The following CCSER1 variants were observed in gnomAD, a reference collection of about 807,000 sequenced individuals.
CCSER1 encodes the protein serine-rich coiled-coil domain-containing protein 1.
Under a neutral mutation model 82.0 loss-of-function variants are expected in CCSER1, and 41 were observed. The observed-to-expected ratio is 0.50, with a 90% CI of 0.39 to 0.65. The LOEUF is 0.65. Among genes scored for constraint, CCSER1 ranks in the 30% least tolerant of loss-of-function variants. CCSER1 has a pLI of 0.00. For missense variants in CCSER1, 1,119 were observed against 1,064.2 expected, an observed-to-expected ratio of 1.05 and a Z score of -0.72; for synonymous variants, 414 against 383.9, an observed-to-expected ratio of 1.08 and a Z score of -0.92.
At chr4:91,195,606 C>CT (rs1735342988) in intron 10 of CCSER1, among the ~76,000 whole-genome samples, 2 of 152,170 alleles carry the variant, frequency 1.3e-5, no homozygotes, top group South Asian at 4.1e-4. Flanking sequence ...CTTCTTGAAA[C>CT]TGCTTTTATT....
chr4:90,443,645 G>C (rs1560525923), intron 4 of CCSER1, among the ~76,000 whole-genome samples: 1 of 151,924 alleles, frequency 6.6e-6, no homozygotes, highest in East Asian at 1.9e-4. Flanking sequence ...GTTTGCTAAA[G>C]GATAAAATAT....
chr4:90,978,211 A>G (rs1735785172), intron 9 of CCSER1, among the ~76,000 whole-genome samples: 1 of 151,672 alleles, frequency 6.6e-6, no homozygotes, highest in Non-Finnish European at 1.5e-5. Flanking sequence ...TACTACCTTG[A>G]TATATTCAAA....
At chr4:90,968,008 G>A (rs762365143) in intron 9 of CCSER1, among the ~76,000 whole-genome samples, 1 of 151,984 alleles carries the variant, frequency 6.6e-6, no homozygotes, top group Non-Finnish European at 1.5e-5. Flanking sequence ...CTCTAACGGA[G>A]AAAACTGAAA....
chr4:91,044,903 A>G (rs1040244801), intron 9 of CCSER1, among the ~76,000 whole-genome samples: 1 of 152,190 alleles, frequency 6.6e-6, no homozygotes. Flanking sequence ...AAAGAGTTCA[A>G]CATTTAATTT....
chr4:90,757,757 T>C (rs1749765778), intron 7 of CCSER1, among the ~76,000 whole-genome samples: 2 of 152,048 alleles, frequency 1.3e-5, no homozygotes, highest in African/African-American at 2.4e-5. Flanking sequence ...GTTTTAACAG[T>C]AGGGAAGTAA....
At chr4:91,445,157 C>T (rs1324623319) in intron 10 of CCSER1, among the ~76,000 whole-genome samples, 3 of 152,152 alleles carry the variant, frequency 2.0e-5, no homozygotes, top group African/African-American at 7.2e-5. Context: ...TAATAACAAT[C>T]TCCCCTTTGC....
intron 5 of CCSER1, among the ~76,000 whole-genome samples, chr4:90,596,719 C>CA (rs35534640): frequency 0.092 from 13,711 of 149,814 alleles, 1,287 homozygotes; most frequent in African/African-American, 0.24. Flanking sequence ...ATTTTTTTAC[C>CA]AAAAAAAAGA....
chr4:91,030,803 A>T (rs13126608), intron 9 of CCSER1, among the ~76,000 whole-genome samples: 51,135 of 151,570 alleles, frequency 0.34, 10,385 homozygotes, highest in East Asian at 0.58. Flanking sequence ...TAAATCCAAA[A>T]GCTGTGTGAA....
At chr4:91,246,316 A>G (rs976252841) in intron 10 of CCSER1, among the ~76,000 whole-genome samples, 1 of 152,186 alleles carries the variant, frequency 6.6e-6, no homozygotes, top group Non-Finnish European at 1.5e-5. Flanking sequence ...AATGGGTTAT[A>G]AGGAGGTATT....
intron 6 of CCSER1, among the ~76,000 whole-genome samples, chr4:90,687,409 A>G (rs1433420978): frequency 1.3e-5 from 2 of 151,974 alleles, no homozygotes; most frequent in Non-Finnish European, 2.9e-5. Context: ...ATTTACAGGA[A>G]AAAAAAATAG....
intron 1 of CCSER1, among the ~76,000 whole-genome samples, chr4:90,257,055 C>A (rs1215559344): frequency 1.3e-5 from 2 of 151,790 alleles, no homozygotes; most frequent in Admixed American, 1.3e-4. Context: ...GAAGATATGC[C>A]TGATGGGTAA....
At chr4:91,425,201 G>A (rs1051931004) in intron 10 of CCSER1, among the ~76,000 whole-genome samples, 1 of 152,060 alleles carries the variant, frequency 6.6e-6, no homozygotes, top group African/African-American at 2.4e-5. Context: ...ATGTTTGGGT[G>A]AACATCTTTT....
intron 9 of CCSER1, among the ~76,000 whole-genome samples, chr4:91,071,909 T>A (rs762034665): frequency 1.2e-4 from 19 of 152,150 alleles, no homozygotes; most frequent in Non-Finnish European, 2.2e-4. Flanking sequence ...TGAAAGGGTG[T>A]CTTTGACTTC....
At chr4:91,427,617 C>T (rs1315061051) in intron 10 of CCSER1, among the ~76,000 whole-genome samples, 1 of 152,126 alleles carries the variant, frequency 6.6e-6, no homozygotes, top group Non-Finnish European at 1.5e-5. Context: ...ACTTTTACCA[C>T]TGTGAAACTG....
At chr4:91,240,161 C>T (rs1195906551) in intron 10 of CCSER1, among the ~76,000 whole-genome samples, 1 of 56,016 alleles carries the variant, frequency 1.8e-5, no homozygotes, top group Non-Finnish European at 3.2e-5. Flanking sequence ...CTGCAAGCTC[C>T]GCCTCCCAGG....
chr4:90,143,954 T>C (rs1427311480), intron 1 of CCSER1, among the ~76,000 whole-genome samples: 1 of 152,112 alleles, frequency 6.6e-6, no homozygotes, highest in African/African-American at 2.4e-5. Context: ...CCTCCCAAAG[T>C]GTTGGGATTA....
intron 10 of CCSER1, among the ~76,000 whole-genome samples, chr4:91,591,556 G>A (rs939633937): frequency 3.9e-5 from 6 of 152,108 alleles, no homozygotes; most frequent in Non-Finnish European, 7.4e-5. Flanking sequence ...GGGTCAGTCA[G>A]TTGCTGAGTT....
At chr4:90,238,929 C>T (rs1278166225) in intron 1 of CCSER1, among the ~76,000 whole-genome samples, 4 of 151,870 alleles carry the variant, frequency 2.6e-5, no homozygotes, top group African/African-American at 9.7e-5. Context: ...CGGCTCATTG[C>T]AATCTCCATC....
chr4:91,023,433 A>G (rs1740193413), intron 9 of CCSER1, among the ~76,000 whole-genome samples: 1 of 152,230 alleles, frequency 6.6e-6, no homozygotes, highest in Non-Finnish European at 1.5e-5. Flanking sequence ...TAACCAAAAC[A>G]GGATGGTACT....
Sources: gnomAD v4.1 joint callset for allele counts (sites outside exome capture counted in the v4.1 genomes callset) on GRCh38, gnomAD v4.1.1 for gene constraint, MANE v1.5 for transcripts, NCBI Gene and HGNC (gene_info 2026-07-23, HGNC 2026-07-21) for gene names.